AGK: variants seen among roughly 807,000 people sequenced by gnomAD.
AGK encodes the protein acylglycerol kinase, mitochondrial.
Under a neutral mutation model 66.4 loss-of-function variants are expected in AGK, and 52 were observed. That is an observed-to-expected ratio of 0.78 (90% CI 0.63 to 0.99). The LOEUF (loss-of-function observed/expected upper bound fraction) is 0.99. Ranked by LOEUF, AGK falls within the 50% of genes least tolerant of loss-of-function variation. The probability of loss-of-function intolerance (pLI) is 0.00; values close to 1 mark genes in which losing one functional copy is unlikely to be tolerated. For missense variants in AGK, 451 were observed against 506.6 expected (o/e 0.89, Z 1.05); for synonymous variants, 182 against 181.1 (o/e 1.00, Z -0.04).
chr7:141,599,903 G>T (rs1027651973), intron 4 of AGK, among the ~76,000 whole-genome samples: 11 of 152,148 alleles, frequency 7.2e-5, no homozygotes, highest in African/African-American at 2.7e-4. Flanking sequence ...GATGGTTCTT[G>T]TGAAAATTTG....
intron 9 of AGK, among the ~76,000 whole-genome samples, chr7:141,633,619 T>C (rs867338052): frequency 1.3e-5 from 2 of 152,262 alleles, no homozygotes; most frequent in South Asian, 4.1e-4. Context: ...AGAGGTAACA[T>C]AGTTAGGTAC....
chr7:141,576,610 A>C (rs941124102), intron 2 of AGK, among the ~76,000 whole-genome samples: 2 of 150,190 alleles, frequency 1.3e-5, no homozygotes, highest in Admixed American at 6.7e-5. Context: ...GATACTAGAT[A>C]CTGATACTAG....
At chr7:141,557,727 C>A (rs1278178123) in intron 2 of AGK, among the ~76,000 whole-genome samples, 2 of 152,230 alleles carry the variant, frequency 1.3e-5, no homozygotes, top group African/African-American at 4.8e-5. Context: ...GCTCTGTCTT[C>A]ACCCTTGACA....
At chr7:141,590,181 C>T (rs1796080933) in intron 2 of AGK, among the ~76,000 whole-genome samples, 1 of 152,152 alleles carries the variant, frequency 6.6e-6, no homozygotes, top group Non-Finnish European at 1.5e-5. Flanking sequence ...GGGCTATTGT[C>T]TTTTCAGCTA....
Position 141,602,171 on chromosome 7 carries a change from TC to T in AGK, c.297+892del, listed in dbSNP as rs1322420280. 2.9e-4 allele frequency among the ~76,000 whole-genome samples: 19 copies of T among 66,506 alleles called. No individual in the cohort carries two copies. The East Asian group carries it at 8.8e-3, about 31-fold the overall frequency. The allele number at this position is 66,506 out of a possible 152,430, so 43.6% of individuals were successfully genotyped here. A position where few individuals can be genotyped will look rare whatever the true frequency, so the allele number is the denominator to read the frequency against. On this transcript the variant is annotated intron_variant, in intron 5 of 15. Coordinates refer to ENST00000649286, the MANE Select transcript of AGK (RefSeq NM_018238.4). The stretch of plus-strand genomic sequence containing the variant: ...TGGAGCTTTCCTTGAGGGGAGATTT[TC>T]TTGTGTGTGTGTGTGTGTGTGTGTG...
intron 15 of AGK, among the ~76,000 whole-genome samples, chr7:141,651,841 C>T (rs1373241244): frequency 1.3e-5 from 2 of 152,190 alleles, no homozygotes; most frequent in African/African-American, 2.4e-5. Flanking sequence ...CCATCGTTTT[C>T]GAACCAAGGT....
chr7:141,557,389 G>T (rs1407021903), intron 2 of AGK, among the ~76,000 whole-genome samples: 1 of 152,228 alleles, frequency 6.6e-6, no homozygotes, highest in African/African-American at 2.4e-5. Context: ...AATGGAGCAT[G>T]GAATGTTTGG....
chr7:141,593,377 C>A (rs1462079799), intron 3 of AGK, 192 bp downstream of exon 3: 1 of 706,546 alleles, frequency 1.4e-6, no homozygotes, highest in Non-Finnish European at 2.6e-6. Context: ...TGGTGAAGAG[C>A]AGTTCTGACG....
In AGK at chr7:141,598,219, T is replaced by C. The variant is rs1023401156; in HGVS notation, c.221+1578T>C. Reference sequence around the variant, plus strand: ...GACTATTCTGCCTAACTGAATCATATCTGCTGGGCTTTGTTAGAGCCGCTT... The same window carrying C: ...GACTATTCTGCCTAACTGAATCATACCTGCTGGGCTTTGTTAGAGCCGCTT... On this transcript the variant is annotated intron_variant, in intron 4 of 15. Coordinates refer to ENST00000649286, the MANE Select transcript of AGK (RefSeq NM_018238.4). This position sits in a 1 kb window ranked among gnomAD's most constrained non-coding sequence, Gnocchi z 4.2. Among the ~76,000 whole-genome samples the C allele has an allele frequency of 1.3e-5, 2 of 152,298 alleles. No homozygotes were observed. The highest frequency in any genetic ancestry group is 4.2e-4 in the South Asian group (2 of 4,818).
rs1311857403 is a variant in AGK at position 141,598,235 on chromosome 7, A to G, written c.221+1594A>G. ...TGAATCATATCTGCTGGGCTTTGTT[A>G]GAGCCGCTTCCCTCCCCCATAAACG... On this transcript the variant is annotated intron_variant, in intron 4 of 15. Coordinates refer to ENST00000649286, the MANE Select transcript of AGK (RefSeq NM_018238.4). This position sits in a 1 kb window ranked among gnomAD's most constrained non-coding sequence, Gnocchi z 4.2. Among the ~76,000 whole-genome samples the G allele has an allele frequency of 1.3e-5, 2 of 152,184 alleles. No individual in the cohort carries two copies. The highest frequency in any genetic ancestry group is 4.8e-5 in the African/African-American group (2 of 41,452).
intron 13 of AGK, among the ~76,000 whole-genome samples, chr7:141,646,361 C>A (rs575385925): frequency 6.6e-6 from 1 of 151,974 alleles, no homozygotes; most frequent in Admixed American, 6.5e-5. Flanking sequence ...AGGAATAGTT[C>A]GTGTTCAAAC....
At chr7:141,564,549 C>T (rs954703457) in intron 2 of AGK, among the ~76,000 whole-genome samples, 4 of 152,188 alleles carry the variant, frequency 2.6e-5, no homozygotes, top group Non-Finnish European at 5.9e-5. Context: ...CCTCCCATGA[C>T]ACATGGGGAT....
intron 2 of AGK, among the ~76,000 whole-genome samples, chr7:141,581,629 A>G (rs1795882499): frequency 6.6e-6 from 1 of 151,806 alleles, no homozygotes; most frequent in African/African-American, 2.4e-5. Flanking sequence ...GGGGTGCATG[A>G]TCAGTTGCTA....
intron 2 of AGK, among the ~76,000 whole-genome samples, chr7:141,573,867 G>T (rs1297829666): frequency 1.3e-5 from 2 of 151,952 alleles, no homozygotes; most frequent in Non-Finnish European, 2.9e-5. Context: ...GGGTACATGT[G>T]CACAATGTGC....
Position 141,633,949 on chromosome 7 carries a change from T to C in AGK, c.637T>C (p.Ser213Pro), listed in dbSNP as rs886062019. The change falls in exon 10 of 16, where the codon TCT (serine) becomes CCT (proline). Residue 213 changes from serine (S) to proline (P), a missense_variant. Transcript: ENST00000649286. The part of the protein sequence containing the change: ...VFAMTGLRWG[S>P]FRDAGVKVSK... ...TGCAATGACCGGCCTTCGATGGGGA[T>C]CTTTCAGAGATGCTGGCGTCAAAGT... 3.7e-6 allele frequency: 6 copies of C among 1,613,902 alleles called. No homozygotes were observed. The highest frequency in any genetic ancestry group is 1.6e-4 in the Middle Eastern group (1 of 6,084).
intron 5 of AGK, among the ~76,000 whole-genome samples, chr7:141,607,062 A>G (rs2116945925): frequency 6.6e-6 from 1 of 152,198 alleles, no homozygotes; most frequent in Non-Finnish European, 1.5e-5. Context: ...CACCTACTGA[A>G]GTACATCTTG....
chr7:141,569,350 A>G (rs1033841314), intron 2 of AGK, among the ~76,000 whole-genome samples: 2 of 152,098 alleles, frequency 1.3e-5, no homozygotes, highest in African/African-American at 4.8e-5. Flanking sequence ...CCTGGCCAAC[A>G]TGGTGAAACC....
rs1347834600 is a variant in AGK, at chr7:141,615,524, T to C, written c.477T>C (p.Ser159=). The change falls in exon 8 of 16, where the codon AGT becomes AGC. Residue 159 remains serine (S), a synonymous_variant. Coordinates refer to ENST00000649286, the MANE Select transcript of AGK (RefSeq NM_018238.4). The stretch of plus-strand genomic sequence containing the variant: ...TTATCCCACTGGGAGAGACCAGTAG[T>C]TTGAGTCATACCCTCTTTGCCGAAA... ...IGFIPLGETS[S]LSHTLFAESG... 3 of 1,613,962 alleles carry C rather than the reference T, an allele frequency of 1.9e-6. No individual in the cohort carries two copies. The highest frequency in any genetic ancestry group is 2.2e-5 in the South Asian group (2 of 91,058).
chr7:141,572,518 T>G (rs1288323532), intron 2 of AGK, among the ~76,000 whole-genome samples: 1 of 152,204 alleles, frequency 6.6e-6, no homozygotes, highest in Non-Finnish European at 1.5e-5. Context: ...TGGGAATAAT[T>G]ACACCTGTTT....
Sources: gnomAD v4.1 joint callset for allele counts (sites outside exome capture counted in the v4.1 genomes callset) on GRCh38, gnomAD v4.1.1 for gene constraint, Gnocchi (gnomAD v3.1) non-coding constraint, MANE v1.5 for transcripts, NCBI Gene and HGNC (gene_info 2026-07-23, HGNC 2026-07-21) for gene names.